RIPK1: variants seen among roughly 807,000 people sequenced by gnomAD.
RIPK1 encodes receptor-interacting serine/threonine-protein kinase 1.
A neutral mutation model predicts 62.4 loss-of-function variants in RIPK1; 27 were observed. The observed-to-expected ratio is 0.43, with a 90% confidence interval of 0.32 to 0.60. The LOEUF (loss-of-function observed/expected upper bound fraction) is 0.60. RIPK1 is among the 20% of genes least tolerant of loss of function. The probability of loss-of-function intolerance (pLI) is 0.07; values close to 1 mark genes in which losing one functional copy is unlikely to be tolerated. For synonymous variants in RIPK1, 287 were observed against 303.2 expected, an observed-to-expected ratio of 0.95 and a Z score of 0.55; for missense variants, 735 against 831.0, an observed-to-expected ratio of 0.88 and a Z score of 1.42.
chr6:3,088,697 G>C (rs1380869545), intron 6 of RIPK1: 1 of 152,460 alleles, frequency 6.6e-6, no homozygotes, highest in Non-Finnish European at 1.5e-5. Context: ...GGCTGGAACA[G>C]AGTGGTTGCT....
intron 7 of RIPK1, among the ~76,000 whole-genome samples, chr6:3,103,255 G>A (rs1020473967): frequency 3.3e-5 from 5 of 150,930 alleles, no homozygotes; most frequent in African/African-American, 1.2e-4. Flanking sequence ...TCCGTTTTCA[G>A]ATATATATTG....
At position 3,086,404 on chromosome 6, in the gene RIPK1, G is replaced by A. The variant is rs116751065; in HGVS notation, c.838+996G>A. Among the ~76,000 whole-genome samples the A allele has an allele frequency of 5.9e-3, 891 of 152,198 alleles. 7 individuals carry two copies. The highest frequency in any genetic ancestry group is 0.021 in the African/African-American group (854 of 41,516). On this transcript the variant is annotated intron_variant, in intron 6 of 10. Transcript: ENST00000259808. ...AGAGGGGCTGTGCCATTTTATGTTC[G>A]GTGTCCGAGTGATGCAGGTTCTTGT...
chr6:3,082,908 A>G (rs1441925942), intron 4 of RIPK1, among the ~76,000 whole-genome samples, 177 bp from the exon 5 acceptor site: 2 of 152,188 alleles, frequency 1.3e-5, no homozygotes, highest in Non-Finnish European at 2.9e-5. Context: ...ATGGCTGAGG[A>G]GACACACAGT....
chr6:3,110,669 GAAGAA>G, intron 9 of RIPK1, 129 bp from the exon 10 acceptor site: 3 of 513,718 alleles, frequency 5.8e-6, no homozygotes, highest in Non-Finnish European at 6.7e-6. Context: ...AGATTTGAAA[GAAGAA>G]AAGTTTAAAG....
In RIPK1 at chr6:3,083,088, G is replaced by A. The variant is rs368353075; in HGVS notation, c.463G>A (p.Ala155Thr). ...LVDNDFHIKI[A>T]DLGLASFKMW... ...AGTGGCTCAATGTCTTTCGCAGATC[G>A]CAGACCTCGGCCTTGCCTCCTTTAA... The change falls in exon 5 of 11, where the codon GCA (alanine) becomes ACA (threonine). Residue 155 changes from alanine to threonine, a missense_variant. By Grantham distance (58) the Ala-to-Thr change is moderately conservative. This residue lies in a region of RIPK1 where 671 missense variants were observed against 726.2 expected (regional missense o/e 0.92). Coordinates refer to ENST00000259808, the MANE Select transcript of RIPK1 (RefSeq NM_001354930.2). 8.1e-6 allele frequency: 13 copies of A among 1,613,806 alleles called. No homozygotes were observed. Among genetic ancestry groups the A allele is most frequent in the South Asian group, 7.7e-5 (7 of 91,064 alleles).
intron 6 of RIPK1, among the ~76,000 whole-genome samples, chr6:3,088,397 A>G (rs1759844029): frequency 6.6e-6 from 1 of 151,924 alleles, no homozygotes; most frequent in African/African-American, 2.4e-5. Context: ...TCTCCACTAG[A>G]CCTCCTCTGA....
At chr6:3,110,664 T>C (rs1761109687) in intron 9 of RIPK1, 139 bp from the exon 10 acceptor site, 1 of 514,350 alleles carries the variant, frequency 1.9e-6, no homozygotes, top group Non-Finnish European at 3.4e-6. Flanking sequence ...TAGCCAGATT[T>C]GAAAGAAGAA....
intron 1 of RIPK1, chr6:3,068,966 C>CGGGCGGTGGGCG (rs1446096920): frequency 1.3e-5 from 2 of 152,224 alleles, no homozygotes; most frequent in Non-Finnish European, 2.9e-5. Context: ...TACCGGAAGT[C>CGGGCGGTGGGCG]GGGCGGTGGG....
At chr6:3,075,392 A>T (rs751954901) in intron 1 of RIPK1, among the ~76,000 whole-genome samples, 1 of 152,228 alleles carries the variant, frequency 6.6e-6, no homozygotes, top group African/African-American at 2.4e-5. Flanking sequence ...GACACTGTAT[A>T]CTTCACAGCC....
At position 3,106,032 on chromosome 6, in the gene RIPK1, C is replaced by G. The variant is rs1561774924; in HGVS notation, c.1557C>G (p.Phe519Leu). 6.2e-7 allele frequency: 1 copy of G among 1,605,474 alleles called. No individual in the cohort carries two copies. Reference sequence around the variant, plus strand: ...TAGGAAATACACCCACCATGCCATTCAGCTCCTTGCCACCAACAGGTAAAT... The same window carrying G: ...TAGGAAATACACCCACCATGCCATTGAGCTCCTTGCCACCAACAGGTAAAT... ...NYLGNTPTMPFSSLPPTDESI... is the reference protein window; with the variant it reads ...NYLGNTPTMPLSSLPPTDESI... Residue 519 changes from phenylalanine to leucine, a missense_variant, in exon 9 of 11, where the codon TTC (phenylalanine) becomes TTG (leucine). By Grantham distance (22) the Phe-to-Leu change is conservative. This residue lies in a region of RIPK1 where 671 missense variants were observed against 726.2 expected (regional missense o/e 0.92). Coordinates refer to ENST00000259808, the MANE Select transcript of RIPK1 (RefSeq NM_001354930.2).
rs1759927939 is a variant in RIPK1 at position 3,089,767 on chromosome 6, G to A, written c.915+110G>A. On this transcript the variant is annotated intron_variant, in intron 7 of 10. Transcript: ENST00000259808. ...ATTGAGATTTGAGGTAAGCTAGCTT[G>A]GTAAACATATAAAACAAAATGAGCA... 4.4e-6 allele frequency: 3 copies of A among 687,638 alleles called. No individual in the cohort carries two copies. In the South Asian group the frequency reaches 5.7e-5, roughly 13 times the overall value. The allele number at this position is 687,638 out of a possible 1,614,324, so 42.6% of individuals were successfully genotyped here.
chr6:3,086,146 C>T (rs1326104707), intron 6 of RIPK1, among the ~76,000 whole-genome samples: 1 of 152,182 alleles, frequency 6.6e-6, no homozygotes, highest in African/African-American at 2.4e-5. Flanking sequence ...GGGATGTTTG[C>T]TGAGCAGTAT....
intron 10 of RIPK1, among the ~76,000 whole-genome samples, chr6:3,112,217 A>G (rs959435917): frequency 1.3e-5 from 2 of 152,170 alleles, no homozygotes; most frequent in Non-Finnish European, 2.9e-5. Flanking sequence ...TTGAAAGACA[A>G]GGAAGGCTTT....
intron 9 of RIPK1, among the ~76,000 whole-genome samples, chr6:3,106,786 T>G (rs757440771): frequency 6.6e-6 from 1 of 152,246 alleles, no homozygotes; most frequent in Non-Finnish European, 1.5e-5. Context: ...GGTTTTATGA[T>G]AAGATCTGTA....
chr6:3,095,652 A>T (rs1038275800), intron 7 of RIPK1, among the ~76,000 whole-genome samples: 1 of 152,242 alleles, frequency 6.6e-6, no homozygotes, highest in Admixed American at 6.5e-5. Flanking sequence ...CTGTCATTAT[A>T]ATTTATTACA....
chr6:3,102,374 C>T (rs1162895635), intron 7 of RIPK1, among the ~76,000 whole-genome samples: 1 of 152,086 alleles, frequency 6.6e-6, no homozygotes, highest in Non-Finnish European at 1.5e-5. Flanking sequence ...GCATATGAAA[C>T]ACAAATAAAC....
chr6:3,088,073 T>A (rs2113631304), intron 6 of RIPK1, among the ~76,000 whole-genome samples: 2 of 152,366 alleles, frequency 1.3e-5, no homozygotes, highest in Middle Eastern at 3.4e-3. Flanking sequence ...TGATTCTTAA[T>A]GTAATGGGTA....
At chr6:3,096,709 A>G (rs1019984516) in intron 7 of RIPK1, among the ~76,000 whole-genome samples, 9 of 148,112 alleles carry the variant, frequency 6.1e-5, no homozygotes, top group African/African-American at 2.3e-4. Context: ...ACAGGCGCCC[A>G]CCACCACACC....
rs1761312254 is a variant in RIPK1, at chr6:3,114,463, T to C, written c.*1124T>C. 6.6e-6 allele frequency: 1 copy of C among 152,170 alleles called. No individual in the cohort carries two copies. Among genetic ancestry groups the C allele is most frequent in the Non-Finnish European group, 1.5e-5 (1 of 68,036 alleles). 9.4% of individuals were successfully genotyped at this position (152,170 alleles called of 1,614,324 possible). Reference sequence around the variant, plus strand: ...GGATGAAAGAACTAGAATAGAAGACTGAAGCTGGGTAGGCCGCTCAGTGTC... The same window carrying C: ...GGATGAAAGAACTAGAATAGAAGACCGAAGCTGGGTAGGCCGCTCAGTGTC... On this transcript the variant is annotated 3_prime_UTR_variant, in exon 11 of 11. Coordinates refer to ENST00000259808, the MANE Select transcript of RIPK1 (RefSeq NM_001354930.2). The surrounding 1 kb of genome is among the most constrained non-coding windows in gnomAD (Gnocchi z 5.0).
Sources: gnomAD v4.1 joint callset for allele counts (sites outside exome capture counted in the v4.1 genomes callset) on GRCh38, gnomAD v4.1.1 for gene constraint, gnomAD v4.1.1 regional missense constraint, Gnocchi (gnomAD v3.1) non-coding constraint, MANE v1.5 for transcripts, NCBI Gene and HGNC (gene_info 2026-07-23, HGNC 2026-07-21) for gene names.